The following GPD1L variants were observed in gnomAD, a reference collection of about 807,000 sequenced individuals.
GPD1L encodes glycerol-3-phosphate dehydrogenase 1 like.
Under a neutral mutation model 32.9 loss-of-function variants are expected in GPD1L, and 17 were observed. The observed-to-expected ratio is 0.52, with a 90% CI of 0.35 to 0.78. The LOEUF (loss-of-function observed/expected upper bound fraction) is 0.78. GPD1L is among the 30% of genes least tolerant of loss of function. The pLI is 0.01. For synonymous variants in GPD1L, 187 were observed against 165.9 expected, an observed-to-expected ratio of 1.13 and a Z score of -0.98; for missense variants, 361 against 447.8, an observed-to-expected ratio of 0.81 and a Z score of 1.75.
intron 5 of GPD1L, chr3:32,151,229 AT>A: frequency 3.4e-6 from 2 of 595,098 alleles, no homozygotes; most frequent in Non-Finnish European, 3.2e-6. Context: ...TTTTCTGATC[AT>A]TTTCCTTCAT....
chr3:32,143,561 G>A (rs1313203401), intron 4 of GPD1L, among the ~76,000 whole-genome samples: 3 of 152,118 alleles, frequency 2.0e-5, no homozygotes, highest in Non-Finnish European at 4.4e-5. Context: ...ATATATTACC[G>A]AGCCAGGCGT....
At chr3:32,107,490 T>C (rs900859516) in intron 1 of GPD1L, among the ~76,000 whole-genome samples, 4 of 152,156 alleles carry the variant, frequency 2.6e-5, no homozygotes, top group African/African-American at 7.2e-5. Context: ...CTGGTGTGTT[T>C]GGGTGAATGT....
intron 7 of GPD1L, among the ~76,000 whole-genome samples, chr3:32,162,140 G>A (rs75298076): frequency 0.11 from 17,193 of 152,044 alleles, 1,072 homozygotes; most frequent in African/African-American, 0.14. Flanking sequence ...TCTGTGCCCC[G>A]GTGTTCTTAT....
At chr3:32,151,177 A>C in intron 5 of GPD1L, 4 of 567,762 alleles carry the variant, frequency 7.0e-6, no homozygotes, top group Non-Finnish European at 1.0e-5. Context: ...GCAGGCTGGT[A>C]CTTCAGTCTA....
At chr3:32,115,283 G>T (rs1368585833) in intron 1 of GPD1L, among the ~76,000 whole-genome samples, 2 of 151,834 alleles carry the variant, frequency 1.3e-5, no homozygotes, top group Admixed American at 6.6e-5. Flanking sequence ...GCTGACTGGT[G>T]TGTTTTTCCA....
At position 32,167,988 on chromosome 3, in the gene GPD1L, T is replaced by C. The variant is rs1483757119; in HGVS notation, c.*2078T>C. The C allele has an allele frequency of 2.6e-5, 4 of 152,176 alleles. No homozygotes were observed. Among genetic ancestry groups the C allele is most frequent in the Admixed American group, 1.3e-4 (2 of 15,276 alleles). 9.4% of individuals were successfully genotyped at this position (152,176 alleles called of 1,614,324 possible). A position where few individuals can be genotyped will look rare whatever the true frequency, so the allele number is the denominator to read the frequency against. On this transcript the variant is annotated 3_prime_UTR_variant, in exon 8 of 8. Transcript: ENST00000282541. ...TAACAAAAAGTTACTTTAAAAGATA[T>C]ATAAAGGGCTGTAAGCTAATTGTGG...
At chr3:32,145,580 A>AG (rs765819657) in intron 4 of GPD1L, among the ~76,000 whole-genome samples, 4 of 151,158 alleles carry the variant, frequency 2.6e-5, no homozygotes, top group African/African-American at 9.7e-5. Flanking sequence ...AAGTGACTTG[A>AG]GGGAGGGGCT....
chr3:32,135,053 G>A (rs918589230), intron 2 of GPD1L, among the ~76,000 whole-genome samples: 1 of 152,348 alleles, frequency 6.6e-6, no homozygotes, highest in East Asian at 1.9e-4. Flanking sequence ...CAGCTGGTCA[G>A]TTGCAGATGT....
chr3:32,119,865 G>T (rs896931740), intron 1 of GPD1L, among the ~76,000 whole-genome samples: 1 of 152,136 alleles, frequency 6.6e-6, no homozygotes, highest in African/African-American at 2.4e-5. Context: ...TATTCTTCCT[G>T]GACCTCCGCT....
At chr3:32,146,799 C>T (rs1337859751) in intron 5 of GPD1L, 65 bp downstream of exon 5, 1 of 897,452 alleles carries the variant, frequency 1.1e-6, no homozygotes, top group African/African-American at 1.6e-5. Context: ...TGAGTCTAAT[C>T]CTCAAGAATG....
In GPD1L at chr3:32,165,977, A is replaced by G; in HGVS notation, c.*67A>G. The stretch of plus-strand genomic sequence containing the variant: ...ATCAATCTTTTGGGTTCACGTGGAA[A>G]CCAGGACTTGGCAACATGATGTTTG... On this transcript the variant is annotated 3_prime_UTR_variant, in exon 8 of 8. Transcript: ENST00000282541. The G allele has an allele frequency of 2.3e-6, 2 of 870,908 alleles. No individual in the cohort carries two copies. Among genetic ancestry groups the G allele is most frequent in the Non-Finnish European group, 4.0e-6 (2 of 503,770 alleles). 53.9% of individuals were successfully genotyped at this position (870,908 alleles called of 1,614,324 possible).
chr3:32,132,301 C>G (rs1700596709), intron 2 of GPD1L, among the ~76,000 whole-genome samples: 1 of 152,134 alleles, frequency 6.6e-6, no homozygotes, highest in Non-Finnish European at 1.5e-5. Flanking sequence ...TGGAATAGTG[C>G]CTGGCATTAT....
Position 32,138,461 on chromosome 3 carries a change from C to T in GPD1L, c.226-126C>T, listed in dbSNP as rs1700696391. 3 of 915,620 alleles carry T rather than the reference C, an allele frequency of 3.3e-6. No individual in the cohort carries two copies. In the African/African-American group the frequency reaches 4.9e-5, roughly 15 times the overall value. The allele number at this position is 915,620 out of a possible 1,614,324, so 56.7% of individuals were successfully genotyped here. A position where few individuals can be genotyped will look rare whatever the true frequency, so the allele number is the denominator to read the frequency against. ...AAGGCAAAGCAAACACACTTGCCTT[C>T]CTTGTCTATCTGTGCAATGCTCTGC... On this transcript the variant is annotated intron_variant, in intron 2 of 7. Coordinates refer to ENST00000282541, the MANE Select transcript of GPD1L (RefSeq NM_015141.4).
chr3:32,119,290 GT>G (rs1700374819), intron 1 of GPD1L, among the ~76,000 whole-genome samples: 1 of 152,170 alleles, frequency 6.6e-6, no homozygotes, highest in Non-Finnish European at 1.5e-5. Context: ...TATTTTCTGT[GT>G]TTTTGATAGT....
At chr3:32,127,008 T>C (rs1415308100) in intron 1 of GPD1L, among the ~76,000 whole-genome samples, 4 of 152,208 alleles carry the variant, frequency 2.6e-5, no homozygotes, top group Non-Finnish European at 5.9e-5. Context: ...TTTATGGTTG[T>C]TAAAGCATAC....
intron 1 of GPD1L, among the ~76,000 whole-genome samples, chr3:32,112,732 C>T (rs1205106533): frequency 6.6e-6 from 1 of 152,130 alleles, no homozygotes. Context: ...TTAACCTTTA[C>T]CTCTTGCTTC....
At chr3:32,138,823 G>A in intron 3 of GPD1L, 96 bp downstream of exon 3, 1 of 1,310,256 alleles carries the variant, frequency 7.6e-7, no homozygotes, top group East Asian at 2.3e-5. Flanking sequence ...AGCTGAAGGG[G>A]AAGTTGTGGC....
chr3:32,127,507 A>G (rs1700527064), intron 1 of GPD1L, among the ~76,000 whole-genome samples: 1 of 152,244 alleles, frequency 6.6e-6, no homozygotes, highest in African/African-American at 2.4e-5. Flanking sequence ...CTGAGCCGTC[A>G]CTAGAACATG....
intron 2 of GPD1L, 101 bp from the exon 3 acceptor site, chr3:32,138,486 C>A: frequency 9.3e-7 from 1 of 1,071,420 alleles, no homozygotes; most frequent in Non-Finnish European, 1.4e-6. Flanking sequence ...CAATGCTCTG[C>A]ACATAGTAGG....
Sources: allele counts gnomAD v4.1 joint callset (sites outside exome capture counted in the v4.1 genomes callset), GRCh38; gene constraint gnomAD v4.1.1; transcripts MANE v1.5; gene names NCBI Gene and HGNC (gene_info 2026-07-23, HGNC 2026-07-21).